The following CCDC91 variants were observed in gnomAD, a reference collection of about 807,000 sequenced individuals.
CCDC91 encodes coiled-coil domain-containing protein 91.
In CCDC91, 48 loss-of-function variants were observed where a neutral mutation model predicts 63.2. That is an observed-to-expected ratio of 0.76 (90% CI 0.60 to 0.97). The LOEUF is 0.97. CCDC91 is among the 50% of genes least tolerant of loss of function. CCDC91 has a pLI of 0.00. For synonymous variants in CCDC91, 167 were observed against 165.8 expected, an observed-to-expected ratio of 1.01 and a Z score of -0.06; for missense variants, 500 against 494.6, an observed-to-expected ratio of 1.01 and a Z score of -0.10.
At chr12:28,362,153 G>C (rs957561897) in intron 6 of CCDC91, among the ~76,000 whole-genome samples, 8 of 151,958 alleles carry the variant, frequency 5.3e-5, no homozygotes, top group Admixed American at 3.9e-4. Flanking sequence ...TCAAGAATTG[G>C]CAGATGCCCC....
intron 12 of CCDC91, among the ~76,000 whole-genome samples, chr12:28,498,066 T>C (rs1952405533): frequency 6.6e-6 from 1 of 151,644 alleles, no homozygotes; most frequent in South Asian, 2.1e-4. Flanking sequence ...CAGGTTAAGT[T>C]ACTTAAGAAT....
chr12:28,256,767 C>G (rs1427706367), intron 1 of CCDC91: 1 of 154,522 alleles, frequency 6.5e-6, no homozygotes, highest in Non-Finnish European at 1.4e-5. Context: ...CTAAATCAGC[C>G]TTGGCCCTGA....
chr12:28,221,226 CTG>C (rs1324520533), intron 1 of CCDC91, among the ~76,000 whole-genome samples: 1 of 152,024 alleles, frequency 6.6e-6, no homozygotes, highest in Non-Finnish European at 1.5e-5. Context: ...AAGTTCTCCT[CTG>C]TAAGTTTCAT....
chr12:28,535,070 A>G (rs1592985380), intron 12 of CCDC91, among the ~76,000 whole-genome samples: 1 of 152,212 alleles, frequency 6.6e-6, no homozygotes, highest in Non-Finnish European at 1.5e-5. Flanking sequence ...TTTATAGAAA[A>G]GTAGGTAGGA....
At chr12:28,486,496 A>G (rs1291287631) in intron 12 of CCDC91, among the ~76,000 whole-genome samples, 1 of 152,180 alleles carries the variant, frequency 6.6e-6, no homozygotes, top group African/African-American at 2.4e-5. Flanking sequence ...AAACTCATTC[A>G]TAAGATTATT....
intron 1 of CCDC91, among the ~76,000 whole-genome samples, chr12:28,194,783 A>G (rs1191587895): frequency 3.3e-5 from 5 of 150,932 alleles, no homozygotes; most frequent in Non-Finnish European, 7.4e-5. Flanking sequence ...TGGCCTCAGG[A>G]GTGAAGCTGT....
intron 6 of CCDC91, among the ~76,000 whole-genome samples, chr12:28,334,446 A>G (rs1228858345): frequency 1.3e-5 from 2 of 152,134 alleles, no homozygotes; most frequent in Non-Finnish European, 2.9e-5. Context: ...GTGGCCTAAA[A>G]TCATCTATTT....
intron 3 of CCDC91, among the ~76,000 whole-genome samples, chr12:28,285,921 T>C (rs1302879039): frequency 2.0e-5 from 3 of 152,030 alleles, no homozygotes; most frequent in Admixed American, 6.6e-5. Context: ...TATAATTATT[T>C]ATCATAAAAC....
chr12:28,505,215 G>A (rs180711825), intron 12 of CCDC91, among the ~76,000 whole-genome samples: 1 of 151,946 alleles, frequency 6.6e-6, no homozygotes, highest in East Asian at 2.0e-4. Flanking sequence ...AAAACTAATG[G>A]AACGCTGAAT....
chr12:28,521,310 A>G lies in CCDC91; in HGVS notation c.1216-27753A>G, dbSNP rs539698675. Reference sequence around the variant, plus strand: ...CACATCCCTTGTAAGTTGGATTCCTAGGTATTTTATTCTCTTTGAAGCAAT... The same window carrying G: ...CACATCCCTTGTAAGTTGGATTCCTGGGTATTTTATTCTCTTTGAAGCAAT... On this transcript the variant is annotated intron_variant, in intron 12 of 12. Transcript: ENST00000536442. Among the ~76,000 whole-genome samples the G allele has an allele frequency of 2.6e-5, 4 of 152,142 alleles. No individual in the cohort carries two copies. The South Asian group carries it at 8.3e-4, about 32-fold the overall frequency.
intron 7 of CCDC91, among the ~76,000 whole-genome samples, chr12:28,384,553 C>T (rs1252846276): frequency 6.6e-6 from 1 of 151,950 alleles, no homozygotes. Flanking sequence ...TGGTATTTTT[C>T]CAGTACCTAG....
chr12:28,379,660 G>A lies in CCDC91; in HGVS notation c.655-11644G>A, dbSNP rs538451548. Among the ~76,000 whole-genome samples the A allele has an allele frequency of 2.0e-5, 3 of 152,256 alleles. No homozygotes were observed. The East Asian group carries it at 5.8e-4, about 29-fold the overall frequency. ...AGTCATTAAAAAGGAAACAACAGAT[G>A]CTGGAGAGGATGTGGAGAAATAGGA... On this transcript the variant is annotated intron_variant, in intron 7 of 12. Transcript: ENST00000536442.
chr12:28,368,263 G>T (rs1284269750), intron 7 of CCDC91, among the ~76,000 whole-genome samples: 2 of 152,124 alleles, frequency 1.3e-5, no homozygotes, highest in Non-Finnish European at 2.9e-5. Context: ...GCTGAAAAAA[G>T]AACTTTTAAC....
At chr12:28,272,375 T>C (rs1362354166) in intron 3 of CCDC91, among the ~76,000 whole-genome samples, 3 of 151,692 alleles carry the variant, frequency 2.0e-5, no homozygotes, top group Non-Finnish European at 4.4e-5. Context: ...TGCTCCATTC[T>C]CTTTCTCCTT....
intron 11 of CCDC91, among the ~76,000 whole-genome samples, chr12:28,475,763 T>C (rs181848614): frequency 9.9e-5 from 15 of 152,138 alleles, no homozygotes; most frequent in East Asian, 7.7e-4. Flanking sequence ...TCTTACCAGA[T>C]GTGGCCCTTG....
intron 8 of CCDC91, among the ~76,000 whole-genome samples, chr12:28,404,642 G>T (rs115854868): frequency 0.013 from 1,986 of 152,078 alleles, 50 homozygotes; most frequent in African/African-American, 0.045. Context: ...TTGCAGTTTT[G>T]TAAGTGTTTG....
intron 7 of CCDC91, among the ~76,000 whole-genome samples, chr12:28,373,964 G>T (rs1202163698): frequency 6.6e-6 from 1 of 152,110 alleles, no homozygotes; most frequent in Non-Finnish European, 1.5e-5. Flanking sequence ...TGCCATGATT[G>T]TAAGTTTCCT....
In CCDC91 at chr12:28,409,750, C is replaced by G. The variant is rs140216289; in HGVS notation, c.762+18339C>G. Among the ~76,000 whole-genome samples the G allele has an allele frequency of 6.3e-3, 958 of 152,070 alleles. 1 individual carries two copies. Among genetic ancestry groups the G allele is most frequent in the Admixed American group, 0.015 (232 of 15,276 alleles). ...TTTTCAAAGGTCATGTTTTCATTTT[C>G]AATTCAAAATACTTTTAAATTTATC... On this transcript the variant is annotated intron_variant, in intron 8 of 12. Transcript: ENST00000536442.
intron 6 of CCDC91, among the ~76,000 whole-genome samples, chr12:28,360,733 G>C (rs1943825028): frequency 6.6e-6 from 1 of 152,054 alleles, no homozygotes; most frequent in Non-Finnish European, 1.5e-5. Context: ...TTTAGTATAA[G>C]GGGTATGTTG....
Sources: allele counts gnomAD v4.1 joint callset (sites outside exome capture counted in the v4.1 genomes callset), GRCh38; gene constraint gnomAD v4.1.1; transcripts MANE v1.5; gene names NCBI Gene and HGNC (gene_info 2026-07-23, HGNC 2026-07-21).